The following CBLN2 variants were observed in gnomAD, a reference collection of about 807,000 sequenced individuals.
CBLN2 encodes the protein cerebellin-2.
CBLN2 carries 7 observed loss-of-function variants against 15.0 expected under a neutral mutation model. The ratio of observed to expected loss-of-function variants is 0.47; its 90% CI spans 0.27 to 0.88. CBLN2 has a LOEUF of 0.88. CBLN2 is among the 40% of genes least tolerant of loss of function. The probability of loss-of-function intolerance (pLI) is 0.14; values close to 1 mark genes in which losing one functional copy is unlikely to be tolerated. For synonymous variants in CBLN2, 149 were observed against 135.2 expected, an observed-to-expected ratio of 1.10 and a Z score of -0.71; for missense variants, 242 against 304.5, an observed-to-expected ratio of 0.79 and a Z score of 1.53.
chr18:72,627,516 T>C (rs1419022092), intron 1 of CBLN2, among the ~76,000 whole-genome samples: 1 of 152,224 alleles, frequency 6.6e-6, no homozygotes, highest in Non-Finnish European at 1.5e-5. Context: ...GAATACTGTT[T>C]ATTGCTTTGA....
At chr18:72,542,916 CACA>C (rs2144868881) in intron 2 of CBLN2, 1 of 98,142 alleles carries the variant, frequency 1.0e-5, no homozygotes, top group Non-Finnish European at 2.1e-5. Flanking sequence ...ACACCACACA[CACA>C]CACACACACA....
chr18:72,631,829 T>A (rs59228084), intron 1 of CBLN2, among the ~76,000 whole-genome samples: 4,502 of 152,184 alleles, frequency 0.03, 160 homozygotes, highest in African/African-American at 0.09. Flanking sequence ...AGTTCAAATT[T>A]AGGCACTACA....
At chr18:72,563,923 G>A (rs1446748052) in intron 1 of CBLN2, among the ~76,000 whole-genome samples, 2 of 152,182 alleles carry the variant, frequency 1.3e-5, no homozygotes, top group Non-Finnish European at 2.9e-5. Flanking sequence ...GCACTCACAG[G>A]CATTTCTGAC....
intron 1 of CBLN2, among the ~76,000 whole-genome samples, chr18:72,602,751 C>A (rs1430885513): frequency 6.6e-6 from 1 of 152,200 alleles, no homozygotes; most frequent in Non-Finnish European, 1.5e-5. Flanking sequence ...GTCCTGGAGA[C>A]AGCAGCTTCA....
At chr18:72,561,243 C>A (rs1225241362) in intron 1 of CBLN2, among the ~76,000 whole-genome samples, 306 of 124,724 alleles carry the variant, frequency 2.5e-3, no homozygotes, top group Non-Finnish European at 2.7e-3. Flanking sequence ...AACAACAACC[C>A]AAAAAAAAAA....
intron 1 of CBLN2, among the ~76,000 whole-genome samples, chr18:72,616,388 G>C (rs775248592): frequency 5.5e-4 from 84 of 152,096 alleles, no homozygotes; most frequent in Non-Finnish European, 1.5e-4. Context: ...GCCATGGCTT[G>C]GGTCATATAG....
At chr18:72,602,496 C>A (rs902336937) in intron 1 of CBLN2, among the ~76,000 whole-genome samples, 1 of 152,148 alleles carries the variant, frequency 6.6e-6, no homozygotes, top group Non-Finnish European at 1.5e-5. Flanking sequence ...TCATCCCCAA[C>A]TCACCCCTGC....
chr18:72,548,922 T>C (rs1054671292), upstream of CBLN2, among the ~76,000 whole-genome samples: 8 of 152,226 alleles, frequency 5.3e-5, no homozygotes, highest in Admixed American at 1.3e-4. Context: ...CATGAATTAT[T>C]GGGAAATCCT....
At chr18:72,629,042 T>G (rs1599030646) in intron 1 of CBLN2, among the ~76,000 whole-genome samples, 1 of 152,330 alleles carries the variant, frequency 6.6e-6, no homozygotes, top group East Asian at 1.9e-4. Flanking sequence ...ATATGCCTTG[T>G]AGACCAAACA....
intron 1 of CBLN2, among the ~76,000 whole-genome samples, chr18:72,598,971 C>T (rs912761225): frequency 6.6e-6 from 1 of 152,138 alleles, no homozygotes; most frequent in Non-Finnish European, 1.5e-5. Flanking sequence ...CCTTTCCTAC[C>T]GTCTTTAGTG....
At chr18:72,563,653 C>T (rs1029237359) in intron 1 of CBLN2, among the ~76,000 whole-genome samples, 2 of 152,200 alleles carry the variant, frequency 1.3e-5, no homozygotes, top group Admixed American at 1.3e-4. Flanking sequence ...GTGCACCACC[C>T]ACAATTCAAT....
intron 1 of CBLN2, among the ~76,000 whole-genome samples, chr18:72,549,609 AT>A (rs1446106109): frequency 6.6e-6 from 1 of 151,236 alleles, no homozygotes; most frequent in Admixed American, 6.6e-5. Flanking sequence ...CTCAAGTTGA[AT>A]GTGCTATATT....
intron 1 of CBLN2, among the ~76,000 whole-genome samples, chr18:72,559,374 G>A (rs1441154666): frequency 2.0e-5 from 3 of 152,190 alleles, no homozygotes; most frequent in Non-Finnish European, 2.9e-5. Flanking sequence ...GAGAAGTATC[G>A]TGTTCCCTAA....
intron 1 of CBLN2, among the ~76,000 whole-genome samples, chr18:72,615,301 G>C (rs1311912436): frequency 4.4e-5 from 6 of 135,356 alleles, no homozygotes; most frequent in Non-Finnish European, 9.3e-5. Context: ...TTGAGACAGA[G>C]TTTTGCTCTT....
chr18:72,570,092 C>T (rs2069321265), intron 1 of CBLN2, among the ~76,000 whole-genome samples: 1 of 152,124 alleles, frequency 6.6e-6, no homozygotes, highest in South Asian at 2.1e-4. Flanking sequence ...TTTATGAAGT[C>T]ACTGTGAACA....
intron 1 of CBLN2, among the ~76,000 whole-genome samples, chr18:72,624,876 A>T (rs1187941052): frequency 6.6e-6 from 1 of 152,214 alleles, no homozygotes; most frequent in Non-Finnish European, 1.5e-5. Flanking sequence ...AAAAGTTTTT[A>T]AAAATTGTCA....
At chr18:72,624,987 A>T (rs2069725455) in intron 1 of CBLN2, among the ~76,000 whole-genome samples, 1 of 152,220 alleles carries the variant, frequency 6.6e-6, no homozygotes, top group African/African-American at 2.4e-5. Context: ...AGGAAAAGTA[A>T]AGAAAAAAAC....
intron 4 of CBLN2, 127 bp from the exon 5 acceptor site, chr18:72,538,500 A>G: frequency 7.1e-7 from 1 of 1,409,574 alleles, no homozygotes; most frequent in Non-Finnish European, 9.9e-7. Context: ...GGGGAGCCTG[A>G]CAGTGAGCAC....
rs1188541582 is a variant in CBLN2, at chr18:72,543,599, C to T, written c.-211-69G>A. The T allele has an allele frequency of 1.5e-5, 6 of 394,674 alleles. No individual in the cohort carries two copies. Among genetic ancestry groups the T allele is most frequent in the Non-Finnish European group, 2.7e-5 (6 of 223,876 alleles). 24.4% of individuals were successfully genotyped at this position (394,674 alleles called of 1,614,324 possible). ...ACACGGAGCGCGACCCTGCTCCCAG[C>T]GCGTGGCCAATAACCGCGCCGCCCC... On this transcript the variant is annotated intron_variant, in intron 1 of 4. Transcript: ENST00000269503. This position sits in a 1 kb window ranked among gnomAD's most constrained non-coding sequence, Gnocchi z 6.8.
Sources: gnomAD v4.1 joint callset for allele counts (sites outside exome capture counted in the v4.1 genomes callset) on GRCh38, gnomAD v4.1.1 for gene constraint, Gnocchi (gnomAD v3.1) non-coding constraint, MANE v1.5 for transcripts, NCBI Gene and HGNC (gene_info 2026-07-23, HGNC 2026-07-21) for gene names.